The following SGCZ variants were observed in gnomAD, a reference collection of about 807,000 sequenced individuals.
SGCZ encodes the protein sarcoglycan zeta.
In SGCZ, 40 loss-of-function variants were observed where a neutral mutation model predicts 41.3. The observed-to-expected ratio is 0.97, with a 90% CI of 0.75 to 1.26. SGCZ has a LOEUF of 1.26. Ranked by LOEUF, SGCZ falls within the 50% of genes most tolerant of loss-of-function variation. SGCZ has a pLI of 0.00. For missense variants in SGCZ, 552 were observed against 369.8 expected (o/e 1.49, Z -4.04); for synonymous variants, 206 against 137.5 (o/e 1.50, Z -3.49).
intron 2 of SGCZ, among the ~76,000 whole-genome samples, chr8:14,435,811 T>C (rs1800073770): frequency 6.6e-6 from 1 of 152,204 alleles, no homozygotes; most frequent in Non-Finnish European, 1.5e-5. Flanking sequence ...CAATACTCAA[T>C]CATCGTATTT....
chr8:15,066,369 C>T (rs1350537729), intron 1 of SGCZ, among the ~76,000 whole-genome samples: 2 of 149,804 alleles, frequency 1.3e-5, no homozygotes, highest in African/African-American at 4.9e-5. Flanking sequence ...TTTGTTACTT[C>T]TGAGTTATTT....
At chr8:14,609,516 T>C (rs947095542) in intron 1 of SGCZ, among the ~76,000 whole-genome samples, 6 of 152,192 alleles carry the variant, frequency 3.9e-5, no homozygotes, top group African/African-American at 1.4e-4. Context: ...CATGAAAAAT[T>C]TAACTGAAGA....
intron 1 of SGCZ, among the ~76,000 whole-genome samples, chr8:15,193,392 A>G (rs1427212966): frequency 6.6e-6 from 1 of 152,072 alleles, no homozygotes; most frequent in Non-Finnish European, 1.5e-5. Flanking sequence ...AATTTGGACT[A>G]TTTATTTTAA....
chr8:14,336,017 G>T (rs1410639938), intron 2 of SGCZ, among the ~76,000 whole-genome samples: 2 of 151,900 alleles, frequency 1.3e-5, no homozygotes, highest in African/African-American at 4.8e-5. Context: ...TCCTCAACAG[G>T]ACTAATCCTA....
intron 1 of SGCZ, among the ~76,000 whole-genome samples, chr8:14,889,307 T>C (rs1410427193): frequency 1.3e-5 from 2 of 151,652 alleles, no homozygotes; most frequent in Non-Finnish European, 2.9e-5. Context: ...AAAAAAAATG[T>C]AGATAGATAA....
rs191657213 is a variant in SGCZ, at chr8:15,041,878, A to G, written c.39+195707T>C. ...AAAAGCATTAGTCAATCTATTATAT[A>G]TTCTGTTGATTTTTAGGTCTGGTCC... is the stretch of plus-strand genomic sequence containing the variant. On this transcript the variant is annotated intron_variant, in intron 1 of 7. Transcript: ENST00000382080. Among the ~76,000 whole-genome samples, 8 of 152,306 alleles carry G rather than the reference A, an allele frequency of 5.3e-5. No homozygotes were observed. In the East Asian group the frequency reaches 1.3e-3, roughly 26 times the overall value.
intron 2 of SGCZ, among the ~76,000 whole-genome samples, chr8:14,383,423 T>A (rs542474654): frequency 2.0e-5 from 3 of 152,326 alleles, no homozygotes; most frequent in Admixed American, 1.3e-4. Flanking sequence ...TTGCCCTGTA[T>A]ATAATCTCAG....
intron 1 of SGCZ, among the ~76,000 whole-genome samples, chr8:15,040,384 G>A (rs371540004): frequency 9.9e-5 from 15 of 152,264 alleles, no homozygotes; most frequent in African/African-American, 3.1e-4. Flanking sequence ...AAAGGCCGAG[G>A]CGGACGGATC....
At chr8:14,155,863 G>A (rs1206179795) in intron 5 of SGCZ, among the ~76,000 whole-genome samples, 1 of 152,114 alleles carries the variant, frequency 6.6e-6, no homozygotes, top group Non-Finnish European at 1.5e-5. Context: ...CCTAGGCTAA[G>A]TGGTATAGCC....
chr8:14,681,470 T>A (rs1388976613), intron 1 of SGCZ, among the ~76,000 whole-genome samples: 1 of 152,164 alleles, frequency 6.6e-6, no homozygotes, highest in African/African-American at 2.4e-5. Flanking sequence ...TCACCTGTGG[T>A]TTTAGTCATT....
chr8:15,160,526 G>A (rs1364365390), intron 1 of SGCZ, among the ~76,000 whole-genome samples: 2 of 152,140 alleles, frequency 1.3e-5, no homozygotes, highest in East Asian at 1.9e-4. Flanking sequence ...TATTCCCCAG[G>A]AGAGTCAATT....
chr8:14,166,089 G>T (rs1305949653), intron 4 of SGCZ, among the ~76,000 whole-genome samples: 1 of 151,954 alleles, frequency 6.6e-6, no homozygotes, highest in Non-Finnish European at 1.5e-5. Flanking sequence ...CTACATACAT[G>T]CTTCCAGGAC....
intron 1 of SGCZ, among the ~76,000 whole-genome samples, chr8:14,646,033 A>C (rs899037640): frequency 2.6e-5 from 4 of 151,844 alleles, no homozygotes; most frequent in Non-Finnish European, 5.9e-5. Context: ...TTGTAGAGAT[A>C]GTTTCCTTTT....
chr8:14,172,546 G>A (rs575418320), intron 4 of SGCZ, among the ~76,000 whole-genome samples: 15 of 152,244 alleles, frequency 9.9e-5, no homozygotes, highest in African/African-American at 3.6e-4. Context: ...ATTTTCTCAT[G>A]TAAACAGTTA....
chr8:14,423,440 G>C (rs538132533), intron 2 of SGCZ, among the ~76,000 whole-genome samples: 9 of 151,744 alleles, frequency 5.9e-5, no homozygotes, highest in African/African-American at 2.2e-4. Flanking sequence ...TTTTAAGATG[G>C]AGTTTCGCTC....
rs952779621 is a variant in SGCZ, at chr8:14,290,960, A to G, written c.336+33143T>C. 7.9e-5 allele frequency among the ~76,000 whole-genome samples: 12 copies of G among 152,152 alleles called. 1 individual carries two copies. The highest frequency in any genetic ancestry group is 7.2e-4 in the Admixed American group (11 of 15,264). On this transcript the variant is annotated intron_variant, in intron 3 of 7. Coordinates refer to ENST00000382080, the MANE Select transcript of SGCZ (RefSeq NM_139167.4). ...ACCCTAAAAATCCATCAGTGGATGA[A>G]TGGATAAAGAAAGTATTGTAAATAT...
At chr8:14,989,655 T>G (rs1396485107) in intron 1 of SGCZ, among the ~76,000 whole-genome samples, 8 of 152,112 alleles carry the variant, frequency 5.3e-5, no homozygotes, top group Non-Finnish European at 1.2e-4. Flanking sequence ...CCTAAACTAA[T>G]CATATGTCAG....
intron 3 of SGCZ, among the ~76,000 whole-genome samples, chr8:14,298,472 A>G (rs1733457565): frequency 6.6e-6 from 1 of 152,040 alleles, no homozygotes; most frequent in Non-Finnish European, 1.5e-5. Flanking sequence ...AATTAGAAAC[A>G]AAAGTGAACT....
intron 2 of SGCZ, among the ~76,000 whole-genome samples, chr8:14,528,690 C>T (rs988890): frequency 1 from 151,911 of 152,090 alleles, 75,866 homozygotes; most frequent in Non-Finnish European, 1. Context: ...ATACTTGCAG[C>T]GGGAAGAAGC....
Sources: gnomAD v4.1 joint callset for allele counts (sites outside exome capture counted in the v4.1 genomes callset) on GRCh38, gnomAD v4.1.1 for gene constraint, MANE v1.5 for transcripts, NCBI Gene and HGNC (gene_info 2026-07-23, HGNC 2026-07-21) for gene names.